The following SRGAP3 variants were observed in gnomAD, a reference collection of about 807,000 sequenced individuals.
The protein encoded by SRGAP3 is SLIT-ROBO Rho GTPase-activating protein 3.
Under a neutral mutation model 121.1 loss-of-function variants are expected in SRGAP3, and 39 were observed. The observed-to-expected ratio is 0.32, with a 90% confidence interval of 0.25 to 0.42. The LOEUF (loss-of-function observed/expected upper bound fraction) is 0.42, where lower values mean the gene tolerates loss of function less well. Among genes scored for constraint, SRGAP3 ranks in the 10% least tolerant of loss-of-function variants. The pLI is 1.00. For missense variants in SRGAP3, 1,213 were observed against 1,470.6 expected, an observed-to-expected ratio of 0.82 and a Z score of 2.86; for synonymous variants, 601 against 570.0, an observed-to-expected ratio of 1.05 and a Z score of -0.77.
intron 3 of SRGAP3, among the ~76,000 whole-genome samples, chr3:9,286,358 T>G (rs73124603): frequency 0.069 from 10,406 of 151,864 alleles, 1,181 homozygotes; most frequent in African/African-American, 0.23. Context: ...TTAACATGGA[T>G]ACATACCAAA....
At chr3:9,016,620 T>C (rs1943650679) in intron 14 of SRGAP3, among the ~76,000 whole-genome samples, 1 of 152,206 alleles carries the variant, frequency 6.6e-6, no homozygotes, top group Admixed American at 6.5e-5. Context: ...TACTTTGTAA[T>C]AAGTATGATC....
intron 3 of SRGAP3, chr3:9,292,538 G>A (rs555233318): frequency 6.6e-6 from 1 of 152,148 alleles, no homozygotes; most frequent in East Asian, 1.9e-4. Context: ...CAAATCCCAT[G>A]CTTTGAAATG....
rs1941526435 is a variant in SRGAP3 at position 8,983,526 on chromosome 3, G to T, written c.*1993C>A. 4.3e-6 allele frequency: 1 copy of T among 230,076 alleles called. No individual in the cohort carries two copies. The highest frequency in any genetic ancestry group is 8.6e-6 in the Non-Finnish European group (1 of 116,230). 14.3% of individuals were successfully genotyped at this position (230,076 alleles called of 1,614,324 possible). A position where few individuals can be genotyped will look rare whatever the true frequency, so the allele number is the denominator to read the frequency against. On this transcript the variant is annotated 3_prime_UTR_variant, in exon 22 of 22. Coordinates refer to ENST00000383836, the MANE Select transcript of SRGAP3 (RefSeq NM_014850.4). ...TTGGGTGTATTTACCTTTTCGCGGG[G>T]GACCAGAGGAGAGGGCACCACTTCA...
intron 1 of SRGAP3, among the ~76,000 whole-genome samples, chr3:9,173,805 C>T (rs1006127314): frequency 6.6e-6 from 1 of 152,160 alleles, no homozygotes; most frequent in South Asian, 2.1e-4. Context: ...TCTTTCCCAT[C>T]ACGGGACATA....
intron 3 of SRGAP3, among the ~76,000 whole-genome samples, chr3:9,257,208 A>T (rs951420429): frequency 1.3e-5 from 2 of 152,166 alleles, no homozygotes; most frequent in Non-Finnish European, 2.9e-5. Context: ...CTTAAAATTC[A>T]TGGGTTGAAA....
rs940591902 is a variant in SRGAP3 at position 9,200,095 on chromosome 3, A to G, written c.67+48790T>C. 8.5e-5 allele frequency among the ~76,000 whole-genome samples: 13 copies of G among 152,374 alleles called. No individual in the cohort carries two copies. In the East Asian group the frequency reaches 1.9e-3, roughly 23 times the overall value. On this transcript the variant is annotated intron_variant, in intron 1 of 21. Transcript: ENST00000383836. Reference sequence around the variant, plus strand: ...ACAATATGGTGGCTGTATGCAAGGCATCGCCTGTGTGCTTGGAGGGGAGCA... The same window carrying G: ...ACAATATGGTGGCTGTATGCAAGGCGTCGCCTGTGTGCTTGGAGGGGAGCA...
chr3:9,173,804 T>A (rs1280372634), intron 1 of SRGAP3, among the ~76,000 whole-genome samples: 1 of 151,930 alleles, frequency 6.6e-6, no homozygotes, highest in African/African-American at 2.4e-5. Context: ...CTCTTTCCCA[T>A]CACGGGACAT....
At position 9,249,021 on chromosome 3, in the gene SRGAP3, C is replaced by G; in HGVS notation, c.-70G>C. 6.8e-7 allele frequency: 1 copy of G among 1,474,146 alleles called. No individual in the cohort carries two copies. The highest frequency in any genetic ancestry group is 9.5e-7 in the Non-Finnish European group (1 of 1,053,902). The allele number at this position is 1,474,146 out of a possible 1,614,324, so 91.3% of individuals were successfully genotyped here. On this transcript the variant is annotated 5_prime_UTR_variant, in exon 1 of 22. Transcript: ENST00000383836. ...CTCCTTTTCTTTTCGAGTCCTCTCT[C>G]AAGCCCTGGTAATCACACAGCTCTG...
chr3:9,338,662 T>C (rs1225130728), intron 1 of SRGAP3, among the ~76,000 whole-genome samples: 3 of 152,210 alleles, frequency 2.0e-5, no homozygotes, highest in South Asian at 2.1e-4. Context: ...CTTTTAATTA[T>C]AGTCATTCCT....
At chr3:9,038,205 A>C (rs938997726) in intron 10 of SRGAP3, 115 bp from the exon 11 acceptor site, 134 of 1,397,812 alleles carry the variant, frequency 9.6e-5, no homozygotes, top group Non-Finnish European at 1.3e-4. Context: ...GAAATATGAA[A>C]TCTAATTATG....
chr3:9,221,493 C>T (rs1236081687), intron 1 of SRGAP3, among the ~76,000 whole-genome samples: 1 of 152,172 alleles, frequency 6.6e-6, no homozygotes, highest in Non-Finnish European at 1.5e-5. Context: ...GCTATGAGGG[C>T]ACCACCATAC....
intron 21 of SRGAP3, among the ~76,000 whole-genome samples, chr3:8,988,478 G>A (rs929399542): frequency 6.6e-6 from 1 of 152,126 alleles, no homozygotes; most frequent in African/African-American, 2.4e-5. Context: ...TTAGTGAAAG[G>A]GGGTCTTGGA....
chr3:9,221,950 C>A (rs551975327), intron 1 of SRGAP3, among the ~76,000 whole-genome samples: 1 of 152,316 alleles, frequency 6.6e-6, no homozygotes, highest in South Asian at 2.1e-4. Flanking sequence ...TAACTCTGTG[C>A]CTGCTCAGCG....
chr3:9,269,748 A>G (rs1328872942), intron 3 of SRGAP3, among the ~76,000 whole-genome samples: 3 of 152,216 alleles, frequency 2.0e-5, no homozygotes, highest in East Asian at 1.9e-4. Flanking sequence ...CCTGATTTCT[A>G]CACTTAAATA....
chr3:9,158,445 C>T (rs891058483), intron 1 of SRGAP3, among the ~76,000 whole-genome samples: 19 of 152,332 alleles, frequency 1.2e-4, no homozygotes, highest in African/African-American at 4.6e-4. Context: ...GTTTATTTCA[C>T]AGTCATATTC....
At chr3:9,176,737 A>T (rs879747887) in intron 1 of SRGAP3, among the ~76,000 whole-genome samples, 3 of 152,082 alleles carry the variant, frequency 2.0e-5, no homozygotes, top group Non-Finnish European at 2.9e-5. Flanking sequence ...GGCGGGGAGG[A>T]ACCACACACT....
At chr3:9,353,668 T>C (rs1053200312) in intron 1 of SRGAP3, among the ~76,000 whole-genome samples, 1 of 152,236 alleles carries the variant, frequency 6.6e-6, no homozygotes, top group Non-Finnish European at 1.5e-5. Context: ...TATTTCCCTC[T>C]AGTTGTTAAC....
intron 1 of SRGAP3, among the ~76,000 whole-genome samples, chr3:9,163,873 G>A (rs1364777382): frequency 1.3e-5 from 2 of 152,020 alleles, no homozygotes; most frequent in East Asian, 3.8e-4. Flanking sequence ...TGCAGATGAG[G>A]AAGTTGGGAC....
intron 14 of SRGAP3, among the ~76,000 whole-genome samples, chr3:9,018,947 C>A (rs940266916): frequency 6.6e-6 from 1 of 152,178 alleles, no homozygotes; most frequent in Non-Finnish European, 1.5e-5. Context: ...TTATTTCTTA[C>A]ACAGAATGTA....
Sources: gnomAD v4.1 joint callset for allele counts (sites outside exome capture counted in the v4.1 genomes callset) on GRCh38, gnomAD v4.1.1 for gene constraint, MANE v1.5 for transcripts, NCBI Gene and HGNC (gene_info 2026-07-23, HGNC 2026-07-21) for gene names.